SCN11A: variants seen among roughly 807,000 people sequenced by gnomAD.
SCN11A encodes the protein sodium voltage-gated channel alpha subunit 11.
Under a neutral mutation model 162.2 loss-of-function variants are expected in SCN11A, and 122 were observed. The observed-to-expected ratio is 0.75, with a 90% CI of 0.65 to 0.87. The LOEUF (loss-of-function observed/expected upper bound fraction) is 0.87, where lower values mean the gene tolerates loss of function less well. Ranked by LOEUF, SCN11A falls within the 40% of genes least tolerant of loss-of-function variation. The pLI is 0.00. For missense variants in SCN11A, 2,015 were observed against 2,181.6 expected, an observed-to-expected ratio of 0.92 and a Z score of 1.52; for synonymous variants, 758 against 751.5, an observed-to-expected ratio of 1.01 and a Z score of -0.14.
chr3:38,933,489 G>C (rs1309256285), intron 7 of SCN11A, among the ~76,000 whole-genome samples: 1 of 151,956 alleles, frequency 6.6e-6, no homozygotes, highest in Non-Finnish European at 1.5e-5. Context: ...AAATTTAGAC[G>C]AAAGTATAAC....
chr3:38,866,066 C>T (rs2065035147), intron 27 of SCN11A, among the ~76,000 whole-genome samples: 1 of 152,004 alleles, frequency 6.6e-6, no homozygotes, highest in Non-Finnish European at 1.5e-5. Context: ...ATCAGAGATA[C>T]ACAGAATTTT....
chr3:38,955,033 G>C (rs34590625), intron 3 of SCN11A, among the ~76,000 whole-genome samples: 2 of 151,240 alleles, frequency 1.3e-5, no homozygotes, highest in Non-Finnish European at 2.9e-5. Flanking sequence ...CAGGTGCAGT[G>C]GCTTACACCC....
intron 7 of SCN11A, among the ~76,000 whole-genome samples, chr3:38,937,042 G>A (rs1400168503): frequency 6.6e-6 from 1 of 152,104 alleles, no homozygotes; most frequent in East Asian, 1.9e-4. Context: ...CAATGGAACA[G>A]AACAGAGCCC....
intron 1 of SCN11A, among the ~76,000 whole-genome samples, chr3:39,035,871 C>A (rs990056367): frequency 6.6e-6 from 1 of 152,204 alleles, no homozygotes; most frequent in Non-Finnish European, 1.5e-5. Context: ...AATCTCCTGA[C>A]CTTGTGATCC....
intron 2 of SCN11A, among the ~76,000 whole-genome samples, chr3:39,023,563 G>A (rs2031508459): frequency 6.6e-6 from 1 of 151,634 alleles, no homozygotes; most frequent in Non-Finnish European, 1.5e-5. Context: ...ATATGCTTAT[G>A]GCAAAAGCAA....
intron 19 of SCN11A, among the ~76,000 whole-genome samples, chr3:38,887,638 C>G (rs1486875647): frequency 6.6e-6 from 1 of 152,116 alleles, no homozygotes; most frequent in African/African-American, 2.4e-5. Context: ...CCCCCGCATT[C>G]CTTCCACAAA....
rs1244029553 is a variant in SCN11A at position 38,950,319 on chromosome 3, T to C, written c.44A>G (p.Asn15Ser). The C allele has an allele frequency of 6.2e-7, 1 of 1,613,768 alleles. No homozygotes were observed. Among genetic ancestry groups the C allele is most frequent in the South Asian group, 1.1e-5 (1 of 91,068 alleles). Residue 15 changes from asparagine (N) to serine (S), a missense_variant, in exon 5 of 30, where the codon AAT becomes AGT. Coordinates refer to ENST00000302328, the MANE Select transcript of SCN11A (RefSeq NM_001349253.2). ...CYPVIFPDER[N>S]FRPFTSDSLA... ...AGAGTCGGAAGTGAAGGGGCGGAAA[T>C]TCCGCTCATCTGGAAAGATTACTGG... is the stretch of plus-strand genomic sequence containing the variant.
chr3:38,867,563 T>C (rs1004881600), intron 26 of SCN11A, 105 bp from the exon 27 acceptor site: 17 of 801,696 alleles, frequency 2.1e-5, no homozygotes, highest in African/African-American at 3.5e-5. Flanking sequence ...AGCAGCAACA[T>C]TGACTACATA....
intron 2 of SCN11A, among the ~76,000 whole-genome samples, chr3:39,008,031 G>A (rs1253854028): frequency 1.3e-5 from 2 of 152,186 alleles, no homozygotes; most frequent in African/African-American, 4.8e-5. Context: ...TTGGTGTCCA[G>A]AGAGAAGTGG....
At chr3:39,024,915 C>G (rs4676648) in intron 2 of SCN11A, among the ~76,000 whole-genome samples, 2 of 152,198 alleles carry the variant, frequency 1.3e-5, no homozygotes, top group African/African-American at 2.4e-5. Flanking sequence ...ATCTTTGGGT[C>G]TTCCTTCTGA....
intron 14 of SCN11A, among the ~76,000 whole-genome samples, chr3:38,905,793 G>A (rs370598441): frequency 1.3e-5 from 2 of 152,112 alleles, no homozygotes; most frequent in South Asian, 2.1e-4. Flanking sequence ...TTTTTAAAAC[G>A]GTTGGTAACT....
chr3:39,024,109 G>C (rs1032555159), intron 2 of SCN11A, among the ~76,000 whole-genome samples: 1 of 152,204 alleles, frequency 6.6e-6, no homozygotes, highest in African/African-American at 2.4e-5. Context: ...CAAAAGACAG[G>C]TTAACAAGAG....
chr3:38,885,553 G>A (rs1382743659), intron 20 of SCN11A, 151 bp from the exon 21 acceptor site: 2 of 598,888 alleles, frequency 3.3e-6, no homozygotes, highest in Non-Finnish European at 5.9e-6. Context: ...CACCCCTCCT[G>A]CTGGGTCCTT....
At chr3:38,952,262 CATAGG>C in intron 4 of SCN11A, among the ~76,000 whole-genome samples, 1 of 152,170 alleles carries the variant, frequency 6.6e-6, no homozygotes, top group South Asian at 2.1e-4. Context: ...GTTACTCTAC[CATAGG>C]ATAATAGCTT....
chr3:38,950,499 G>A lies in SCN11A; in HGVS notation c.-7-130C>T, dbSNP rs895369505. 4 of 863,792 alleles carry A rather than the reference G, an allele frequency of 4.6e-6. No individual in the cohort carries two copies. In the South Asian group the frequency reaches 6.8e-5, roughly 15 times the overall value. The allele number at this position is 863,792 out of a possible 1,614,324, so 53.5% of individuals were successfully genotyped here. A position where few individuals can be genotyped will look rare whatever the true frequency, so the allele number is the denominator to read the frequency against. On this transcript the variant is annotated intron_variant, in intron 4 of 29. Transcript: ENST00000302328. ...TACAAAAGCTGAGCTGAGGTCAGGG[G>A]CCTTGGGAGCTGATTGGCTGTGAAG...
chr3:38,948,701 T>G (rs2066555315), intron 5 of SCN11A, among the ~76,000 whole-genome samples: 1 of 152,214 alleles, frequency 6.6e-6, no homozygotes, highest in Admixed American at 6.5e-5. Flanking sequence ...ATATCGTGTC[T>G]TCTTATTTAA....
intron 2 of SCN11A, among the ~76,000 whole-genome samples, chr3:38,985,433 T>C (rs1331831717): frequency 6.6e-6 from 1 of 150,800 alleles, no homozygotes; most frequent in Non-Finnish European, 1.5e-5. Flanking sequence ...CCCGGCCTGC[T>C]GGCTGTCTTA....
rs191478668 is a variant in SCN11A at position 38,925,813 on chromosome 3, T to C, written c.618-304A>G. On this transcript the variant is annotated intron_variant, in intron 8 of 29. Coordinates refer to ENST00000302328, the MANE Select transcript of SCN11A (RefSeq NM_001349253.2). The stretch of plus-strand genomic sequence containing the variant: ...AATAGAAGTCCTCTCAAATATTTAC[T>C]GAGTGGCTGACAAGTTCCATGCCCC... Among the ~76,000 whole-genome samples, 9 of 152,374 alleles carry C rather than the reference T, an allele frequency of 5.9e-5. No homozygotes were observed. The East Asian group carries it at 1.7e-3, about 29-fold the overall frequency.
chr3:38,916,900 G>T (rs541555037), intron 11 of SCN11A, among the ~76,000 whole-genome samples: 1 of 152,266 alleles, frequency 6.6e-6, no homozygotes, highest in East Asian at 1.9e-4. Flanking sequence ...TCACAGACCT[G>T]CCTTCTCAGA....
Sources: allele counts gnomAD v4.1 joint callset (sites outside exome capture counted in the v4.1 genomes callset), GRCh38; gene constraint gnomAD v4.1.1; transcripts MANE v1.5; gene names NCBI Gene and HGNC (gene_info 2026-07-23, HGNC 2026-07-21).